The following KIF13B variants were observed in gnomAD, a reference collection of about 807,000 sequenced individuals.
KIF13B encodes the protein kinesin family member 13B.
KIF13B carries 127 observed loss-of-function variants against 222.0 expected under a neutral mutation model. The observed-to-expected ratio is 0.57, with a 90% confidence interval of 0.50 to 0.66. The LOEUF (loss-of-function observed/expected upper bound fraction) is 0.66, where lower values mean the gene tolerates loss of function less well. Among genes scored for constraint, KIF13B ranks in the 30% least tolerant of loss-of-function variants. The pLI is 0.00. For missense variants in KIF13B, 2,173 were observed against 2,379.0 expected (o/e 0.91, Z 1.80); for synonymous variants, 976 against 919.0 (o/e 1.06, Z -1.12).
intron 1 of KIF13B, among the ~76,000 whole-genome samples, chr8:29,255,284 T>C (rs1816433792): frequency 6.6e-6 from 1 of 152,086 alleles, no homozygotes. Flanking sequence ...GACTTATATC[T>C]AAAAACCAAG....
At chr8:29,123,526 A>C (rs763421527) in intron 27 of KIF13B, 34 bp from the exon 28 acceptor site, 3 of 1,611,318 alleles carry the variant, frequency 1.9e-6, no homozygotes, top group African/African-American at 2.7e-5. Context: ...CAATGACAAA[A>C]CTTCACTTGC....
intron 12 of KIF13B, among the ~76,000 whole-genome samples, chr8:29,161,800 A>C (rs1248086676): frequency 1.3e-5 from 2 of 151,596 alleles, no homozygotes; most frequent in Non-Finnish European, 2.9e-5. Flanking sequence ...TATCTGGAGC[A>C]GACGTGTTCT....
intron 2 of KIF13B, among the ~76,000 whole-genome samples, chr8:29,223,656 T>C (rs1395962229): frequency 6.6e-6 from 1 of 152,210 alleles, no homozygotes; most frequent in Non-Finnish European, 1.5e-5. Flanking sequence ...TGTATGTTAT[T>C]AAGTAATCCA....
At chr8:29,249,506 T>C (rs1424357287) in intron 1 of KIF13B, among the ~76,000 whole-genome samples, 1 of 151,218 alleles carries the variant, frequency 6.6e-6, no homozygotes, top group Non-Finnish European at 1.5e-5. Context: ...CTGTACTTCC[T>C]AAAGAACCTT....
intron 1 of KIF13B, among the ~76,000 whole-genome samples, chr8:29,248,142 T>C (rs1586984467): frequency 6.6e-6 from 1 of 152,048 alleles, no homozygotes; most frequent in African/African-American, 2.4e-5. Context: ...GTCCAGCAGC[T>C]CCTCAAAAAG....
intron 2 of KIF13B, among the ~76,000 whole-genome samples, chr8:29,228,472 A>AAAAAAAAAATATATATAT: frequency 3.4e-5 from 4 of 117,080 alleles, no homozygotes; most frequent in African/African-American, 1.3e-4. Flanking sequence ...ATCTTAAAAA[A>AAAAAAAAAATATATATAT]ATATATATAT....
At chr8:29,099,371 T>G (rs753359037) in intron 35 of KIF13B, 130 bp from the exon 36 acceptor site, 18 of 645,628 alleles carry the variant, frequency 2.8e-5, no homozygotes, top group Non-Finnish European at 4.6e-5. Context: ...CTTGATTACA[T>G]CAGCACTTTT....
intron 29 of KIF13B, among the ~76,000 whole-genome samples, chr8:29,120,508 C>T (rs1809816684): frequency 1.0e-4 from 1 of 9,810 alleles, no homozygotes; most frequent in Non-Finnish European, 2.1e-4. Context: ...AGGACATGAA[C>T]TCATCATTTT....
At chr8:29,178,992 C>A (rs1368193636) in intron 8 of KIF13B, among the ~76,000 whole-genome samples, 1 of 152,208 alleles carries the variant, frequency 6.6e-6, no homozygotes, top group Non-Finnish European at 1.5e-5. Flanking sequence ...TCACTAGATT[C>A]AAAACCAAAC....
At chr8:29,154,719 T>C (rs975037581) in intron 14 of KIF13B, among the ~76,000 whole-genome samples, 1 of 152,158 alleles carries the variant, frequency 6.6e-6, no homozygotes, top group Non-Finnish European at 1.5e-5. Context: ...CTCTGTCTTA[T>C]TGCATCCTGG....
intron 2 of KIF13B, among the ~76,000 whole-genome samples, chr8:29,204,001 GGTT>G (rs1267777509): frequency 6.6e-6 from 1 of 151,920 alleles, no homozygotes; most frequent in Non-Finnish European, 1.5e-5. Flanking sequence ...AGAAAAGGAA[GGTT>G]GTTTGAAAAG....
At chr8:29,101,862 C>A (rs1018843968) in intron 35 of KIF13B, among the ~76,000 whole-genome samples, 4 of 152,172 alleles carry the variant, frequency 2.6e-5, no homozygotes, top group Admixed American at 2.0e-4. Context: ...TTCCCTCCTC[C>A]AGCTGACGCC....
intron 27 of KIF13B, 91 bp from the exon 28 acceptor site, chr8:29,123,583 A>C: frequency 6.6e-7 from 1 of 1,516,022 alleles, no homozygotes; most frequent in African/African-American, 1.4e-5. Flanking sequence ...CCTATATTTC[A>C]ATTATTAGCT....
intron 26 of KIF13B, among the ~76,000 whole-genome samples, chr8:29,125,610 T>G (rs1023929544): frequency 3.3e-5 from 5 of 152,166 alleles, no homozygotes; most frequent in Admixed American, 1.3e-4. Context: ...ATTAGAATGA[T>G]GCAAAACCAG....
chr8:29,189,108 A>C (rs1813066310), intron 4 of KIF13B, among the ~76,000 whole-genome samples: 1 of 152,138 alleles, frequency 6.6e-6, no homozygotes, highest in Non-Finnish European at 1.5e-5. Context: ...CTCAGCTTTC[A>C]ATCATGGACA....
intron 14 of KIF13B, 35 bp from the exon 15 acceptor site, chr8:29,150,418 T>C (rs1171559161): frequency 1.0e-5 from 10 of 999,164 alleles, no homozygotes; most frequent in Non-Finnish European, 1.6e-5. Flanking sequence ...GAATGATGAG[T>C]ACAGTATCAT....
chr8:29,204,011 A>G (rs1291893076), intron 2 of KIF13B, among the ~76,000 whole-genome samples: 2 of 152,186 alleles, frequency 1.3e-5, no homozygotes, highest in Non-Finnish European at 2.9e-5. Context: ...GGTTGTTTGA[A>G]AAGAGCAGTT....
chr8:29,070,853 C>A lies in KIF13B; in HGVS notation c.5219-87G>T. 3 of 1,398,298 alleles carry A rather than the reference C, an allele frequency of 2.1e-6. No homozygotes were observed. The highest frequency in any genetic ancestry group is 9.8e-7 in the Non-Finnish European group (1 of 1,017,946). 86.6% of individuals were successfully genotyped at this position (1,398,298 alleles called of 1,614,324 possible). On this transcript the variant is annotated intron_variant, in intron 39 of 39. Transcript: ENST00000524189. The surrounding 1 kb of genome is among the most constrained non-coding windows in gnomAD (Gnocchi z 4.1). ...CCCTTACCTCTGCAGAGGCCATGTG[C>A]CCACACTGCCACCCCCCCGCACAGG...
In KIF13B at chr8:29,130,532, C is replaced by T. The variant is rs1415898095; in HGVS notation, c.3075+1G>A. The T allele has an allele frequency of 6.2e-7, 1 of 1,613,728 alleles. No homozygotes were observed. ...AATGTAAACATTCACAATCTTGTTACCTGCCGGAGCTGGAAGATTCCTCCT... is the reference window on the plus strand; with the variant it reads ...AATGTAAACATTCACAATCTTGTTATCTGCCGGAGCTGGAAGATTCCTCCT... On this transcript the variant is annotated splice_donor_variant, in intron 24 of 39. Coordinates refer to ENST00000524189, the MANE Select transcript of KIF13B (RefSeq NM_015254.4). LOFTEE classifies it high-confidence loss of function.
Sources: gnomAD v4.1 joint callset for allele counts (sites outside exome capture counted in the v4.1 genomes callset) on GRCh38, gnomAD v4.1.1 for gene constraint, Gnocchi (gnomAD v3.1) non-coding constraint, MANE v1.5 for transcripts, NCBI Gene and HGNC (gene_info 2026-07-23, HGNC 2026-07-21) for gene names.